The following ATIC variants were observed in gnomAD, a reference collection of about 807,000 sequenced individuals.
ATIC encodes 5-aminoimidazole-4-carboxamide ribonucleotide formyltransferase/IMP cyclohydrolase.
In ATIC, 64 loss-of-function variants were observed where a neutral mutation model predicts 72.5. The observed-to-expected ratio is 0.88, with a 90% CI of 0.72 to 1.09. ATIC has a LOEUF of 1.09. ATIC is among the 50% of genes least tolerant of loss of function. The pLI is 0.00. For synonymous variants in ATIC, 281 were observed against 267.1 expected (o/e 1.05, Z -0.51); for missense variants, 787 against 732.4 (o/e 1.07, Z -0.86).
chr2:215,327,003 T>C, intron 7 of ATIC, 25 bp downstream of exon 7: 9 of 1,614,050 alleles, frequency 5.6e-6, no homozygotes, highest in Non-Finnish European at 7.6e-6. Flanking sequence ...TTCTGTGGCA[T>C]GGTTTGCTGT....
intron 13 of ATIC, chr2:215,345,295 C>T (rs1423700982): frequency 3.7e-6 from 1 of 273,342 alleles, no homozygotes; most frequent in Non-Finnish European, 7.2e-6. Context: ...TATCAAGAAT[C>T]TGCTGAGTAG....
chr2:215,340,183 C>T (rs1040970567), intron 12 of ATIC, among the ~76,000 whole-genome samples: 5 of 152,106 alleles, frequency 3.3e-5, no homozygotes, highest in East Asian at 1.9e-4. Context: ...AGTAAGGACA[C>T]GTTCCTAGGA....
At chr2:215,340,741 C>G (rs1229658139) in intron 12 of ATIC, among the ~76,000 whole-genome samples, 1 of 152,176 alleles carries the variant, frequency 6.6e-6, no homozygotes, top group Non-Finnish European at 1.5e-5. Flanking sequence ...CCCTAGGTAT[C>G]TACTGCTGTA....
intron 4 of ATIC, 91 bp from the exon 5 acceptor site, chr2:215,325,150 G>A (rs527671351): frequency 9.9e-6 from 9 of 910,600 alleles, no homozygotes; most frequent in African/African-American, 3.3e-5. Flanking sequence ...TTTTGTTTAC[G>A]TTAATAGTAC....
At chr2:215,330,894 T>C (rs2052885382) in intron 7 of ATIC, among the ~76,000 whole-genome samples, 1 of 152,142 alleles carries the variant, frequency 6.6e-6, no homozygotes, top group African/African-American at 2.4e-5. Flanking sequence ...GTTGGGATCA[T>C]ACAGTATGGA....
At chr2:215,364,676 G>A in the ATIC span, 1 of 609,352 alleles carries the variant, frequency 1.6e-6, no homozygotes, top group African/African-American at 1.8e-5. Flanking sequence ...TTTCTACTAA[G>A]AGTAATAGAA....
At chr2:215,368,562 A>G in the ATIC span, among the ~76,000 whole-genome samples, 1 of 152,266 alleles carries the variant, frequency 6.6e-6, no homozygotes, top group Non-Finnish European at 1.5e-5. Context: ...TAAATAAAGA[A>G]TAATTATTAA....
At chr2:215,351,761 C>T (rs1378253230), downstream of ATIC, among the ~76,000 whole-genome samples, 1 of 152,138 alleles carries the variant, frequency 6.6e-6, no homozygotes, top group Non-Finnish European at 1.5e-5. Flanking sequence ...GTGGCCTGTA[C>T]ACAGTGACTT....
downstream of ATIC, among the ~76,000 whole-genome samples, chr2:215,350,761 C>T (rs753460896): frequency 6.6e-6 from 1 of 152,194 alleles, no homozygotes; most frequent in Non-Finnish European, 1.5e-5. Flanking sequence ...TCAGGACAGA[C>T]CTGTGCATCT....
chr2:215,365,515 C>T, the ATIC span: 2 of 1,613,938 alleles, frequency 1.2e-6, no homozygotes, highest in African/African-American at 1.3e-5. Flanking sequence ...GAGGGTCACA[C>T]TTGAATTCTC....
At chr2:215,337,749 C>T (rs2052972652) in intron 11 of ATIC, among the ~76,000 whole-genome samples, 1 of 152,160 alleles carries the variant, frequency 6.6e-6, no homozygotes, top group Admixed American at 6.5e-5. Context: ...TTTCTTGTAG[C>T]ATCATGGAAA....
chr2:215,326,170 C>A (rs1559270587), intron 6 of ATIC, 32 bp downstream of exon 6: 2 of 1,612,986 alleles, frequency 1.2e-6, no homozygotes, highest in African/African-American at 2.7e-5. Context: ...TTGTAAGTTA[C>A]ATCCATGGAG....
At chr2:215,352,612 A>C (rs947079554), downstream of ATIC, among the ~76,000 whole-genome samples, 11 of 152,108 alleles carry the variant, frequency 7.2e-5, no homozygotes, top group Non-Finnish European at 1.3e-4. Context: ...CTATTAGAAA[A>C]TAAAAAGCCT....
In ATIC at chr2:215,325,235, T is replaced by G. The variant is rs1202628572; in HGVS notation, c.291-6T>G. On this transcript the variant is annotated splice_region_variant and splice_polypyrimidine_tract_variant and intron_variant, in intron 4 of 15. Transcript: ENST00000236959. ...AATGACAGCCAGATTCGTCTTTGTT[T>G]TATAGAGTTGTTGCCTGCAATCTCT... 6.2e-7 allele frequency: 1 copy of G among 1,611,628 alleles called. No individual in the cohort carries two copies. The highest frequency in any genetic ancestry group is 1.7e-5 in the Admixed American group (1 of 59,996).
chr2:215,336,559 A>G (rs1387318745), intron 11 of ATIC, among the ~76,000 whole-genome samples: 2 of 152,248 alleles, frequency 1.3e-5, no homozygotes, highest in Non-Finnish European at 2.9e-5. Context: ...AAAGATAACT[A>G]TTTTAAATTT....
At chr2:215,328,347 C>T (rs2052852273) in intron 7 of ATIC, among the ~76,000 whole-genome samples, 1 of 152,132 alleles carries the variant, frequency 6.6e-6, no homozygotes, top group African/African-American at 2.4e-5. Flanking sequence ...CTACTTAAAG[C>T]CATTCCTTGG....
chr2:215,312,609 C>CA lies in ATIC; in HGVS notation c.131_132insA (p.Gly45TrpfsTer9), dbSNP rs771672928. ...GGGACTGCAAAAGCTCTCAGGGATG[C>CA]TGGTCTGGCAGTCAGGTAAGGCATA... On this transcript the variant is annotated frameshift_variant, in exon 2 of 16. Coordinates refer to ENST00000236959, the MANE Select transcript of ATIC (RefSeq NM_004044.7). LOFTEE classifies it high-confidence loss of function. The CA allele has an allele frequency of 2.2e-4, 349 of 1,614,070 alleles. No homozygotes were observed. The highest frequency in any genetic ancestry group is 2.8e-4 in the Non-Finnish European group (325 of 1,180,048).
At chr2:215,333,672 C>T (rs1200878857) in intron 9 of ATIC, among the ~76,000 whole-genome samples, 2 of 151,952 alleles carry the variant, frequency 1.3e-5, no homozygotes, top group East Asian at 3.9e-4. Context: ...TATAGGATTT[C>T]CTATTTAATT....
rs552586948 is a variant in ATIC, at chr2:215,334,832, G to T, written c.923-87G>T. On this transcript the variant is annotated intron_variant, in intron 9 of 15. Coordinates refer to ENST00000236959, the MANE Select transcript of ATIC (RefSeq NM_004044.7). ...ACAGTAAGATTAGCTTTAGAGTAAT[G>T]AATTTTATATGACAGTGGAGAATTT... 41 of 1,088,898 alleles carry T rather than the reference G, an allele frequency of 3.8e-5. No individual in the cohort carries two copies. In the Admixed American group the frequency reaches 3.8e-4, roughly 10 times the overall value. 67.5% of individuals were successfully genotyped at this position (1,088,898 alleles called of 1,614,324 possible).
Sources: allele counts gnomAD v4.1 joint callset (sites outside exome capture counted in the v4.1 genomes callset), GRCh38; gene constraint gnomAD v4.1.1; transcripts MANE v1.5; gene names NCBI Gene and HGNC (gene_info 2026-07-23, HGNC 2026-07-21).